Variants in ELMOD1 observed in about 807,000 individuals in gnomAD.
ELMOD1 encodes the protein ELMO domain-containing protein 1.
Under a neutral mutation model 46.7 loss-of-function variants are expected in ELMOD1, and 21 were observed. The ratio of observed to expected loss-of-function variants is 0.45; its 90% CI spans 0.32 to 0.65. ELMOD1 has a LOEUF of 0.65. Among genes scored for constraint, ELMOD1 ranks in the 30% least tolerant of loss-of-function variants. The pLI is 0.04. For missense variants in ELMOD1, 348 were observed against 407.8 expected (o/e 0.85, Z 1.26); for synonymous variants, 122 against 138.2 (o/e 0.88, Z 0.82).
chr11:107,664,915 A>G (rs1327391933), intron 11 of ELMOD1, 110 bp from the exon 12 acceptor site: 1 of 978,094 alleles, frequency 1.0e-6, no homozygotes, highest in African/African-American at 1.7e-5. Flanking sequence ...TTTGAGCTCC[A>G]CGGTTGCTGT....
chr11:107,655,905 A>C (rs750503818), intron 10 of ELMOD1, 28 bp from the exon 11 acceptor site: 1 of 1,595,590 alleles, frequency 6.3e-7, no homozygotes, highest in Non-Finnish European at 8.5e-7. Flanking sequence ...TGTGACACAC[A>C]GTTGGTTTTG....
chr11:107,662,291 A>C (rs963399476), intron 11 of ELMOD1, among the ~76,000 whole-genome samples: 7 of 152,114 alleles, frequency 4.6e-5, no homozygotes, highest in Admixed American at 1.3e-4. Flanking sequence ...CTACAGGTGC[A>C]AGCCACCATA....
In ELMOD1 at chr11:107,655,957, C is replaced by G; in HGVS notation, c.723C>G (p.Ile241Met). 1 of 1,605,836 alleles carries G rather than the reference C, an allele frequency of 6.2e-7. No homozygotes were observed. Among genetic ancestry groups the G allele is most frequent in the South Asian group, 1.1e-5 (1 of 89,576 alleles). The change falls in exon 11 of 12, where the codon ATC becomes ATG. Residue 241 changes from isoleucine (I) to methionine (M), a missense_variant. Coordinates refer to ENST00000265840, the MANE Select transcript of ELMOD1 (RefSeq NM_018712.4). Reference protein sequence around the residue: ...AIGYSFAIVGINITDLAYNLL... With the variant: ...AIGYSFAIVGMNITDLAYNLL... ...GGTACTCATTTGCAATTGTGGGCAT[C>G]AATATAACTGACCTGGCATATAATC...
At chr11:107,642,655 G>A (rs372801330) in intron 6 of ELMOD1, among the ~76,000 whole-genome samples, 2 of 152,120 alleles carry the variant, frequency 1.3e-5, no homozygotes, top group Non-Finnish European at 2.9e-5. Flanking sequence ...GTGAGCCACC[G>A]CGCCCAGCAA....
intron 1 of ELMOD1, among the ~76,000 whole-genome samples, chr11:107,593,956 T>C (rs1403000233): frequency 6.6e-6 from 1 of 152,190 alleles, no homozygotes; most frequent in African/African-American, 2.4e-5. Context: ...TGAAAATAAC[T>C]CATGCTTAAA....
intron 6 of ELMOD1, among the ~76,000 whole-genome samples, chr11:107,636,740 G>A (rs1309102668): frequency 6.6e-6 from 1 of 152,178 alleles, no homozygotes; most frequent in East Asian, 1.9e-4. Context: ...TGGATCTGAT[G>A]TGAATCATTA....
chr11:107,632,295 C>T lies in ELMOD1; in HGVS notation c.290+618C>T, dbSNP rs529892362. On this transcript the variant is annotated intron_variant, in intron 5 of 11. Transcript: ENST00000265840. ...AGCAATTTTTCAGTAAAATTTTGCACTGAGGACACTGGGTAGAATAAATTC... is the reference window on the plus strand; with the variant it reads ...AGCAATTTTTCAGTAAAATTTTGCATTGAGGACACTGGGTAGAATAAATTC... Among the ~76,000 whole-genome samples the T allele has an allele frequency of 2.0e-5, 3 of 152,298 alleles. No homozygotes were observed. In the East Asian group the frequency reaches 5.8e-4, roughly 29 times the overall value.
chr11:107,620,364 A>G (rs757444941), intron 2 of ELMOD1: 1 of 152,360 alleles, frequency 6.6e-6, no homozygotes, highest in Non-Finnish European at 1.5e-5. Context: ...AATTGCTACC[A>G]TCAGATATAT....
intron 2 of ELMOD1, among the ~76,000 whole-genome samples, chr11:107,621,995 C>G (rs1192405965): frequency 1.3e-5 from 2 of 152,150 alleles, no homozygotes; most frequent in African/African-American, 4.8e-5. Context: ...CCACTGCACT[C>G]TAGCCTAGGT....
chr11:107,653,143 C>G (rs2135711608), intron 9 of ELMOD1, among the ~76,000 whole-genome samples: 2 of 152,172 alleles, frequency 1.3e-5, no homozygotes, highest in South Asian at 4.2e-4. Context: ...GCCATATGAC[C>G]TTAGTGTAAA....
chr11:107,665,940 G>A lies in ELMOD1; in HGVS notation c.*743G>A, dbSNP rs1246087300. 4.6e-5 allele frequency: 7 copies of A among 150,896 alleles called. No homozygotes were observed. Among genetic ancestry groups the A allele is most frequent in the African/African-American group, 1.7e-4 (7 of 40,686 alleles). 9.3% of individuals were successfully genotyped at this position (150,896 alleles called of 1,614,324 possible). On this transcript the variant is annotated 3_prime_UTR_variant, in exon 12 of 12. Coordinates refer to ENST00000265840, the MANE Select transcript of ELMOD1 (RefSeq NM_018712.4). ...TCATACCACTGCACTCCAGCCTGGCGACAGAGCAAGACTCCATCTCAAAAA... is the reference window on the plus strand; with the variant it reads ...TCATACCACTGCACTCCAGCCTGGCAACAGAGCAAGACTCCATCTCAAAAA...
chr11:107,631,037 T>C (rs935165159), intron 4 of ELMOD1, among the ~76,000 whole-genome samples: 5 of 152,188 alleles, frequency 3.3e-5, no homozygotes, highest in African/African-American at 1.2e-4. Flanking sequence ...TCCCTACTAT[T>C]TCCTCAATAT....
At chr11:107,635,615 T>G in intron 5 of ELMOD1, 21 bp from the exon 6 acceptor site, 1 of 1,606,302 alleles carries the variant, frequency 6.2e-7, no homozygotes. Context: ...TGTGTGTCTC[T>G]TCTGTTTTTG....
chr11:107,628,094 T>C (rs1163982792), intron 2 of ELMOD1, among the ~76,000 whole-genome samples: 1 of 152,134 alleles, frequency 6.6e-6, no homozygotes, highest in African/African-American at 2.4e-5. Context: ...ATCTTTTTTT[T>C]TTTTTGGCAT....
At chr11:107,596,358 A>G (rs565794046) in intron 1 of ELMOD1, among the ~76,000 whole-genome samples, 1 of 152,202 alleles carries the variant, frequency 6.6e-6, no homozygotes, top group South Asian at 2.1e-4. Context: ...ACCAGTTGGC[A>G]TTATCAATAT....
At chr11:107,598,362 G>C (rs181491399) in intron 1 of ELMOD1, among the ~76,000 whole-genome samples, 258 of 152,254 alleles carry the variant, frequency 1.7e-3, no homozygotes, top group African/African-American at 6.0e-3. Flanking sequence ...CTGCCTTTTT[G>C]TTCTATTCAG....
chr11:107,650,547 TG>T, intron 8 of ELMOD1, 144 bp downstream of exon 8: 1 of 689,688 alleles, frequency 1.4e-6, no homozygotes, highest in Non-Finnish European at 2.5e-6. Flanking sequence ...AATGCTGAGT[TG>T]GAGGGTTAAA....
intron 2 of ELMOD1, among the ~76,000 whole-genome samples, chr11:107,626,432 C>A (rs1443544816): frequency 2.7e-5 from 4 of 148,362 alleles, no homozygotes; most frequent in African/African-American, 9.9e-5. Flanking sequence ...GGAAAGGGTA[C>A]AATGAATCCC....
At chr11:107,660,311 T>C (rs1022404720) in intron 11 of ELMOD1, among the ~76,000 whole-genome samples, 4 of 152,166 alleles carry the variant, frequency 2.6e-5, no homozygotes, top group Non-Finnish European at 4.4e-5. Context: ...GGTAGAAGAA[T>C]AGAAGAATAT....
Sources: gnomAD v4.1 joint callset for allele counts (sites outside exome capture counted in the v4.1 genomes callset) on GRCh38, gnomAD v4.1.1 for gene constraint, MANE v1.5 for transcripts, NCBI Gene and HGNC (gene_info 2026-07-23, HGNC 2026-07-21) for gene names.